USH2A: variants seen among roughly 807,000 people sequenced by gnomAD.
The protein encoded by USH2A is usherin.
Under a neutral mutation model 538.9 loss-of-function variants are expected in USH2A, and 443 were observed. The observed-to-expected ratio is 0.82, with a 90% CI of 0.76 to 0.89. USH2A has a LOEUF of 0.89. Among genes scored for constraint, USH2A ranks in the 40% least tolerant of loss-of-function variants. The pLI is 0.00. For missense variants in USH2A, 6,633 were observed against 6,324.8 expected (o/e 1.05, Z -1.65); for synonymous variants, 2,413 against 2,273.5 (o/e 1.06, Z -1.75).
chr1:216,356,245 T>A (rs973911576), intron 4 of USH2A, among the ~76,000 whole-genome samples: 12 of 152,244 alleles, frequency 7.9e-5, no homozygotes, highest in African/African-American at 2.4e-4. Context: ...GTACAGAATT[T>A]AAATGACTAA....
chr1:216,228,669 C>T (rs2035613251), intron 14 of USH2A, among the ~76,000 whole-genome samples: 1 of 152,094 alleles, frequency 6.6e-6, no homozygotes, highest in Admixed American at 6.6e-5. Flanking sequence ...AATTGTAAGT[C>T]CCGTAAACTT....
intron 66 of USH2A, among the ~76,000 whole-genome samples, chr1:215,647,943 A>T (rs1306630935): frequency 6.6e-6 from 1 of 151,614 alleles, no homozygotes; most frequent in Non-Finnish European, 1.5e-5. Flanking sequence ...ATGATAAGAG[A>T]AGTCACCATC....
intron 30 of USH2A, among the ~76,000 whole-genome samples, chr1:216,063,209 A>G (rs535976312): frequency 8.5e-5 from 13 of 152,308 alleles, no homozygotes; most frequent in African/African-American, 3.1e-4. Context: ...AACTGGCAAA[A>G]CAGCTGCCTC....
chr1:215,997,602 A>G (rs76747712), intron 34 of USH2A, among the ~76,000 whole-genome samples: 5,653 of 151,680 alleles, frequency 0.037, 342 homozygotes, highest in African/African-American at 0.13. Flanking sequence ...ATTGATATGA[A>G]TTGATTGACT....
intron 21 of USH2A, among the ~76,000 whole-genome samples, chr1:216,136,721 T>C (rs1419737496): frequency 2.0e-5 from 3 of 152,090 alleles, no homozygotes; most frequent in African/African-American, 7.2e-5. Context: ...CTGGTGTCTT[T>C]ATAAAAGAAA....
intron 19 of USH2A, chr1:216,194,006 T>G (rs2034779432): frequency 6.6e-6 from 1 of 152,150 alleles, no homozygotes; most frequent in Non-Finnish European, 1.5e-5. Flanking sequence ...TTCAGCTTCT[T>G]TGCTGCTCAA....
chr1:215,943,684 A>C (rs2102434170), intron 37 of USH2A, among the ~76,000 whole-genome samples: 1 of 152,238 alleles, frequency 6.6e-6, no homozygotes, highest in African/African-American at 2.4e-5. Context: ...ATTGTTGAGA[A>C]TCCAGAAGTA....
chr1:215,732,527 ATTCTCCTTT>A (rs1660027045), intron 60 of USH2A, among the ~76,000 whole-genome samples: 1 of 84,332 alleles, frequency 1.2e-5, no homozygotes, highest in Non-Finnish European at 2.3e-5. Flanking sequence ...CCTCTTTCTT[ATTCTCCTTT>A]TTTCTTTCTT....
chr1:215,808,094 C>G (rs1205092933), intron 49 of USH2A, among the ~76,000 whole-genome samples: 1 of 152,090 alleles, frequency 6.6e-6, no homozygotes, highest in Non-Finnish European at 1.5e-5. Context: ...AGCATCAAAC[C>G]ACGGAAACAC....
At chr1:215,924,961 C>A (rs1666201148) in intron 38 of USH2A, among the ~76,000 whole-genome samples, 1 of 152,030 alleles carries the variant, frequency 6.6e-6, no homozygotes, top group Non-Finnish European at 1.5e-5. Context: ...TTCCTTCCCT[C>A]TTCTCCATAG....
At chr1:215,956,655 A>G (rs2102446448) in intron 37 of USH2A, among the ~76,000 whole-genome samples, 1 of 152,282 alleles carries the variant, frequency 6.6e-6, no homozygotes, top group Admixed American at 6.5e-5. Flanking sequence ...ACCCATGGTT[A>G]CAATTTCCAT....
At position 215,675,595 on chromosome 1, in the gene USH2A, C is replaced by T. The variant is rs1174206381; in HGVS notation, c.12316G>A (p.Gly4106Arg). 5.0e-6 allele frequency: 8 copies of T among 1,613,936 alleles called. No individual in the cohort carries two copies. In the East Asian group the frequency reaches 6.7e-5, roughly 13 times the overall value. Residue 4106 changes from glycine (G) to arginine (R), a missense_variant, in exon 63 of 72, where the codon GGG (glycine) becomes AGG (arginine). Transcript: ENST00000307340. Reference protein sequence around the residue: ...VIKTYNIFSDGFLEYSGLNRQ... With the variant: ...VIKTYNIFSDRFLEYSGLNRQ... ...TTCAAACCAGAGTACTCCAGGAACC[C>T]GTCACTGAAGATGTTGTATGTCTAC...
intron 30 of USH2A, among the ~76,000 whole-genome samples, chr1:216,065,836 G>A (rs140166505): frequency 0.015 from 2,217 of 152,196 alleles, 72 homozygotes; most frequent in African/African-American, 0.051. Flanking sequence ...GGCAGAGTTT[G>A]CAGTGAGCTG....
chr1:216,313,088 G>A (rs1460824935), intron 9 of USH2A, among the ~76,000 whole-genome samples: 2 of 152,092 alleles, frequency 1.3e-5, no homozygotes, highest in Non-Finnish European at 2.9e-5. Flanking sequence ...TCAAGATGAA[G>A]GTATTCCACC....
intron 21 of USH2A, among the ~76,000 whole-genome samples, chr1:216,158,633 A>G (rs2033997053): frequency 6.6e-6 from 1 of 152,160 alleles, no homozygotes; most frequent in Admixed American, 6.5e-5. Flanking sequence ...CTGCAGTCTT[A>G]TAGTTAGTCT....
At chr1:216,087,319 A>G (rs2032165558) in intron 23 of USH2A, among the ~76,000 whole-genome samples, 1 of 151,554 alleles carries the variant, frequency 6.6e-6, no homozygotes, top group South Asian at 2.1e-4. Context: ...TTCTGACTTC[A>G]GAACTAGACT....
chr1:215,657,835 G>T (rs944802790), intron 64 of USH2A, among the ~76,000 whole-genome samples: 7 of 151,948 alleles, frequency 4.6e-5, no homozygotes, highest in African/African-American at 1.7e-4. Flanking sequence ...CTTGCTCTTT[G>T]GAGCCATTTA....
intron 32 of USH2A, among the ~76,000 whole-genome samples, chr1:216,031,498 C>T (rs1334252125): frequency 6.6e-6 from 1 of 152,146 alleles, no homozygotes; most frequent in African/African-American, 2.4e-5. Flanking sequence ...TCTCCTCATC[C>T]TTTTGCCATC....
At chr1:216,374,502 A>G (rs1558060251) in intron 3 of USH2A, among the ~76,000 whole-genome samples, 1 of 152,120 alleles carries the variant, frequency 6.6e-6, no homozygotes, top group Non-Finnish European at 1.5e-5. Context: ...AACTTTAATC[A>G]TTTGCATTAA....
Sources: allele counts gnomAD v4.1 joint callset (sites outside exome capture counted in the v4.1 genomes callset), GRCh38; gene constraint gnomAD v4.1.1; transcripts MANE v1.5; gene names NCBI Gene and HGNC (gene_info 2026-07-23, HGNC 2026-07-21).